Variants in PARL observed in about 807,000 individuals in gnomAD.
PARL encodes presenilin-associated rhomboid-like protein, mitochondrial.
PARL carries 44 observed loss-of-function variants against 51.6 expected under a neutral mutation model. The ratio of observed to expected loss-of-function variants is 0.85; its 90% CI spans 0.67 to 1.10. PARL has a LOEUF of 1.10. PARL is among the 50% of genes least tolerant of loss of function. PARL has a pLI of 0.00. For synonymous variants in PARL, 172 were observed against 164.0 expected, an observed-to-expected ratio of 1.05 and a Z score of -0.37; for missense variants, 441 against 469.5, an observed-to-expected ratio of 0.94 and a Z score of 0.56.
intron 7 of PARL, among the ~76,000 whole-genome samples, chr3:183,836,345 T>A (rs188920485): frequency 2.4e-4 from 37 of 152,178 alleles, no homozygotes; most frequent in Non-Finnish European, 4.9e-4. Context: ...GAACGCTGGT[T>A]TTTTTGTGAT....
At chr3:183,831,256 G>A (rs1270865071) in intron 9 of PARL, among the ~76,000 whole-genome samples, 1 of 152,188 alleles carries the variant, frequency 6.6e-6, no homozygotes, top group African/African-American at 2.4e-5. Context: ...GATTACAGGC[G>A]TGAGCCACTG....
At chr3:183,844,896 T>A (rs1577311233) in intron 4 of PARL, 1 of 152,420 alleles carries the variant, frequency 6.6e-6, no homozygotes, top group African/African-American at 2.4e-5. Context: ...CATGTGGGAG[T>A]TGAGTGACTT....
At position 183,829,513 on chromosome 3, in the gene PARL, G is replaced by C; in HGVS notation, c.*85C>G. On this transcript the variant is annotated 3_prime_UTR_variant, in exon 10 of 10. Transcript: ENST00000317096. ...AGATGCTGGCATCTTCCAGACGGGA[G>C]CATAGCCATGGTCACTCTAGCCGAT... The C allele has an allele frequency of 6.2e-7, 1 of 1,613,276 alleles. No homozygotes were observed. Among genetic ancestry groups the C allele is most frequent in the Non-Finnish European group, 8.5e-7 (1 of 1,179,894 alleles).
chr3:183,866,570 TCA>T, intron 3 of PARL, 53 bp downstream of exon 3: 1 of 1,415,656 alleles, frequency 7.1e-7, no homozygotes, highest in Non-Finnish European at 1.0e-6. Flanking sequence ...CTATTAAGTA[TCA>T]GTTTTTTAAA....
intron 5 of PARL, chr3:183,843,328 C>T: frequency 4.1e-6 from 4 of 983,990 alleles, no homozygotes; most frequent in Non-Finnish European, 4.8e-6. Context: ...GCAGTCTGGG[C>T]AACATGGCAA....
At chr3:183,850,649 T>C (rs1202068053) in intron 4 of PARL, among the ~76,000 whole-genome samples, 1 of 152,180 alleles carries the variant, frequency 6.6e-6, no homozygotes, top group Non-Finnish European at 1.5e-5. Context: ...GAACATTCTA[T>C]GTAGCCACTA....
chr3:183,831,718 C>T (rs1727961594), intron 9 of PARL, among the ~76,000 whole-genome samples: 1 of 151,694 alleles, frequency 6.6e-6, no homozygotes, highest in African/African-American at 2.4e-5. Context: ...GAGTCTTTAC[C>T]ACCAACAAAA....
In PARL at chr3:183,844,217, C is replaced by T. The variant is rs1388803359; in HGVS notation, c.607+14G>A. 1 of 1,493,708 alleles carries T rather than the reference C, an allele frequency of 6.7e-7. No homozygotes were observed. 92.5% of individuals were successfully genotyped at this position (1,493,708 alleles called of 1,614,324 possible). A position where few individuals can be genotyped will look rare whatever the true frequency, so the allele number is the denominator to read the frequency against. ...ATTTCTACCTTAAAATAAATTCACA[C>T]AAGTTAGACTTACTTGAGGCTGGAT... On this transcript the variant is annotated intron_variant, in intron 5 of 9. Transcript: ENST00000317096.
At chr3:183,842,807 CAA>C (rs370931513) in intron 5 of PARL, among the ~76,000 whole-genome samples, 7 of 54,084 alleles carry the variant, frequency 1.3e-4, no homozygotes, top group African/African-American at 3.1e-4. Context: ...GACTCTATCT[CAA>C]AAAAAAAAAA....
chr3:183,843,241 A>C, intron 5 of PARL: 1 of 985,348 alleles, frequency 1.0e-6, no homozygotes, highest in Non-Finnish European at 1.2e-6. Flanking sequence ...TTTTCTACTT[A>C]GTAAGCAACC....
intron 1 of PARL, among the ~76,000 whole-genome samples, chr3:183,876,595 A>G (rs1292428380): frequency 7.4e-6 from 1 of 135,302 alleles, no homozygotes; most frequent in Non-Finnish European, 1.5e-5. Flanking sequence ...TTATTCCCCT[A>G]AGAAATACAT....
intron 7 of PARL, among the ~76,000 whole-genome samples, chr3:183,837,341 A>G (rs1460238368): frequency 2.0e-5 from 3 of 152,178 alleles, no homozygotes; most frequent in Non-Finnish European, 4.4e-5. Flanking sequence ...CAAGGACCAA[A>G]AAAAGATAGC....
intron 7 of PARL, among the ~76,000 whole-genome samples, chr3:183,839,492 C>T (rs1023795174): frequency 3.3e-5 from 5 of 152,050 alleles, no homozygotes; most frequent in African/African-American, 4.8e-5. Flanking sequence ...AATCTCAGCT[C>T]ACTGCAACCT....
intron 9 of PARL, among the ~76,000 whole-genome samples, chr3:183,832,523 T>C (rs1196023140): frequency 2.0e-5 from 3 of 152,118 alleles, no homozygotes; most frequent in Non-Finnish European, 4.4e-5. Context: ...CTGGCCAGAA[T>C]AGATTTTTCT....
chr3:183,873,051 A>C (rs1020159712), intron 1 of PARL, among the ~76,000 whole-genome samples: 1 of 152,218 alleles, frequency 6.6e-6, no homozygotes, highest in African/African-American at 2.4e-5. Flanking sequence ...AAAGTGGTAG[A>C]TGTTAACTTT....
chr3:183,847,061 T>A, intron 4 of PARL, among the ~76,000 whole-genome samples: 1 of 152,212 alleles, frequency 6.6e-6, no homozygotes. Context: ...AAACAGCATA[T>A]GCTGGTCCCC....
chr3:183,848,797 C>T lies in PARL; in HGVS notation c.512-4471G>A, dbSNP rs115098161. 8.9e-3 allele frequency among the ~76,000 whole-genome samples: 1,360 copies of T among 152,272 alleles called. 12 individuals are homozygous for T. The highest frequency in any genetic ancestry group is 0.054 in the Middle Eastern group (16 of 294). On this transcript the variant is annotated intron_variant, in intron 4 of 9. Coordinates refer to ENST00000317096, the MANE Select transcript of PARL (RefSeq NM_018622.7). The stretch of plus-strand genomic sequence containing the variant: ...AGGCTGCCTGAGATGATGGATAACA[C>T]TTGGGGGCAAATAAGAGACTAATCA...
At chr3:183,852,538 G>C (rs539491980) in intron 4 of PARL, among the ~76,000 whole-genome samples, 1 of 152,266 alleles carries the variant, frequency 6.6e-6, no homozygotes, top group Non-Finnish European at 1.5e-5. Flanking sequence ...CAGTGTTTCT[G>C]TTTGGGATAA....
intron 4 of PARL, among the ~76,000 whole-genome samples, chr3:183,857,896 G>T (rs540729324): frequency 6.6e-6 from 1 of 152,154 alleles, no homozygotes; most frequent in Non-Finnish European, 1.5e-5. Context: ...TGCTATTCTA[G>T]AAAAGTGAAA....
Sources: allele counts gnomAD v4.1 joint callset (sites outside exome capture counted in the v4.1 genomes callset), GRCh38; gene constraint gnomAD v4.1.1; transcripts MANE v1.5; gene names NCBI Gene and HGNC (gene_info 2026-07-23, HGNC 2026-07-21).